Variants in GSAP observed in about 807,000 individuals in gnomAD.
GSAP encodes gamma-secretase activating protein.
A neutral mutation model predicts 131.7 loss-of-function variants in GSAP; 118 were observed. The observed-to-expected ratio is 0.90, with a 90% CI of 0.77 to 1.04. GSAP has a LOEUF of 1.04. GSAP is among the 50% of genes least tolerant of loss of function. GSAP has a pLI of 0.00. For missense variants in GSAP, 1,019 were observed against 1,013.2 expected, an observed-to-expected ratio of 1.01 and a Z score of -0.08; for synonymous variants, 381 against 363.4, an observed-to-expected ratio of 1.05 and a Z score of -0.55.
At chr7:77,401,822 A>G (rs1454718454) in intron 3 of GSAP, among the ~76,000 whole-genome samples, 2 of 152,220 alleles carry the variant, frequency 1.3e-5, no homozygotes, top group Admixed American at 6.5e-5. Context: ...AGGTAAAGAG[A>G]CTCAAAAGGA....
At chr7:77,402,593 C>CAAAAAAAAAAAAAA (rs56739649) in intron 3 of GSAP, among the ~76,000 whole-genome samples, 34 of 24,774 alleles carry the variant, frequency 1.4e-3, no homozygotes, top group South Asian at 4.2e-3. Flanking sequence ...GACTCTGTCT[C>CAAAAAAAAAAAAAA]AAAAAAAAAA....
At chr7:77,393,099 G>A (rs778769662) in intron 5 of GSAP, among the ~76,000 whole-genome samples, 132 of 152,056 alleles carry the variant, frequency 8.7e-4, no homozygotes, top group Non-Finnish European at 1.5e-3. Flanking sequence ...TGTAAAGTAT[G>A]TGGATCAAAG....
intron 19 of GSAP, among the ~76,000 whole-genome samples, chr7:77,342,316 C>T (rs1212095461): frequency 6.6e-6 from 1 of 152,180 alleles, no homozygotes; most frequent in Non-Finnish European, 1.5e-5. Context: ...GCCTGTTTCC[C>T]TTGCCTCCAT....
chr7:77,379,793 C>G (rs1797515280), intron 8 of GSAP: 1 of 823,968 alleles, frequency 1.2e-6, no homozygotes, highest in Admixed American at 6.2e-5. Context: ...TCCTTGTTCT[C>G]CCATCTACTT....
intron 12 of GSAP, among the ~76,000 whole-genome samples, chr7:77,370,987 ATATT>A (rs1471867493): frequency 2.0e-5 from 3 of 152,024 alleles, no homozygotes; most frequent in African/African-American, 4.8e-5. Context: ...TAACCTTTAT[ATATT>A]TATGTCCCCA....
At chr7:77,365,917 T>G (rs952404850) in intron 12 of GSAP, among the ~76,000 whole-genome samples, 1 of 150,430 alleles carries the variant, frequency 6.6e-6, no homozygotes, top group African/African-American at 2.4e-5. Context: ...TTTTTTTTTT[T>G]TTTTTACTTT....
chr7:77,348,884 G>A (rs1397232743), intron 19 of GSAP, among the ~76,000 whole-genome samples: 2 of 152,200 alleles, frequency 1.3e-5, no homozygotes, highest in Non-Finnish European at 1.5e-5. Flanking sequence ...CAACCAGAAG[G>A]AAATTAGATA....
At chr7:77,406,184 CAAATAT>C (rs1427294450) in intron 1 of GSAP, 79 bp from the exon 2 acceptor site, 24 of 789,258 alleles carry the variant, frequency 3.0e-5, no homozygotes, top group Non-Finnish European at 3.9e-5. Context: ...TGAAGGAAGC[CAAATAT>C]AAATATATAC....
intron 17 of GSAP, 52 bp downstream of exon 17, chr7:77,353,520 C>T: frequency 8.2e-7 from 1 of 1,216,434 alleles, no homozygotes; most frequent in Non-Finnish European, 1.2e-6. Context: ...TGCTTTCCCT[C>T]AAGCAAAAAG....
chr7:77,404,695 A>C, intron 2 of GSAP, 80 bp from the exon 3 acceptor site: 1 of 786,892 alleles, frequency 1.3e-6, no homozygotes, highest in Non-Finnish European at 2.2e-6. Flanking sequence ...ACCAACCTGC[A>C]ATAACTCAAT....
At chr7:77,384,366 GT>G (rs879722986) in intron 6 of GSAP, among the ~76,000 whole-genome samples, 3 of 152,170 alleles carry the variant, frequency 2.0e-5, no homozygotes, top group Admixed American at 2.0e-4. Context: ...GGTAGGTGTT[GT>G]TTTTCTTTCT....
chr7:77,392,974 C>T (rs1159867105), intron 5 of GSAP, among the ~76,000 whole-genome samples: 1 of 151,994 alleles, frequency 6.6e-6, no homozygotes, highest in Non-Finnish European at 1.5e-5. Flanking sequence ...ATGAAGGGGA[C>T]AGCCAGAGCC....
rs6955278 is a variant in GSAP at position 77,379,461 on chromosome 7, G to A, written c.576+1844C>T. ...AGAATGAAGGCAGAAGTACTTCTTG[G>A]AAGAACACATGTGAATTAAGGAATG... On this transcript the variant is annotated intron_variant, in intron 8 of 30. Coordinates refer to ENST00000257626, the MANE Select transcript of GSAP (RefSeq NM_017439.4). 6.7e-3 allele frequency among the ~76,000 whole-genome samples: 1,022 copies of A among 152,016 alleles called. 10 individuals are homozygous for A. The highest frequency in any genetic ancestry group is 0.023 in the African/African-American group (971 of 41,450).
intron 18 of GSAP, chr7:77,351,242 T>G: frequency 1.0e-6 from 1 of 976,372 alleles, no homozygotes; most frequent in Non-Finnish European, 1.2e-6. Flanking sequence ...AAATTAAAAT[T>G]TCATTACAGT....
intron 26 of GSAP, among the ~76,000 whole-genome samples, chr7:77,318,780 T>C (rs188276432): frequency 7.2e-5 from 11 of 152,170 alleles, no homozygotes; most frequent in Non-Finnish European, 1.0e-4. Flanking sequence ...AGGGAAAGCT[T>C]CTTGACATTG....
At chr7:77,320,521 G>A (rs1787490444) in intron 26 of GSAP, among the ~76,000 whole-genome samples, 1 of 152,138 alleles carries the variant, frequency 6.6e-6, no homozygotes, top group African/African-American at 2.4e-5. Flanking sequence ...CCTAAAGTTA[G>A]TAATAAGCTA....
intron 3 of GSAP, among the ~76,000 whole-genome samples, chr7:77,403,953 C>T (rs1276713684): frequency 6.6e-6 from 1 of 152,064 alleles, no homozygotes; most frequent in Admixed American, 6.6e-5. Context: ...TAAAAAATAC[C>T]TATGTATACA....
chr7:77,409,466 C>T (rs768194686), intron 1 of GSAP, among the ~76,000 whole-genome samples: 4 of 152,028 alleles, frequency 2.6e-5, no homozygotes, highest in Admixed American at 2.0e-4. Context: ...GAAAAGGTGG[C>T]GTAGACTGAA....
intron 6 of GSAP, among the ~76,000 whole-genome samples, chr7:77,386,510 G>A (rs1798587095): frequency 6.6e-6 from 1 of 152,270 alleles, no homozygotes; most frequent in Admixed American, 6.5e-5. Context: ...ATTTTGTTTT[G>A]TGTGTTTCTA....
Sources: allele counts gnomAD v4.1 joint callset (sites outside exome capture counted in the v4.1 genomes callset), GRCh38; gene constraint gnomAD v4.1.1; transcripts MANE v1.5; gene names NCBI Gene and HGNC (gene_info 2026-07-23, HGNC 2026-07-21).